Variants in SIM1 observed in about 807,000 individuals in gnomAD.
SIM1 encodes single-minded homolog 1.
A neutral mutation model predicts 78.2 loss-of-function variants in SIM1; 18 were observed. The ratio of observed to expected loss-of-function variants is 0.23; its 90% CI spans 0.16 to 0.34. The LOEUF (loss-of-function observed/expected upper bound fraction) is 0.34. Among genes scored for constraint, SIM1 ranks in the 10% least tolerant of loss-of-function variants. The probability of loss-of-function intolerance (pLI) is 1.00; values close to 1 mark genes in which losing one functional copy is unlikely to be tolerated. For synonymous variants in SIM1, 417 were observed against 385.2 expected, an observed-to-expected ratio of 1.08 and a Z score of -0.97; for missense variants, 939 against 975.1, an observed-to-expected ratio of 0.96 and a Z score of 0.49.
chr6:100,426,172 C>A (rs1408179078), intron 9 of SIM1, among the ~76,000 whole-genome samples: 1 of 152,178 alleles, frequency 6.6e-6, no homozygotes, highest in African/African-American at 2.4e-5. Context: ...CTTCAGGTGC[C>A]TCAGCTCTGA....
At chr6:100,445,619 C>A (rs1040035031) in intron 9 of SIM1, among the ~76,000 whole-genome samples, 4 of 151,822 alleles carry the variant, frequency 2.6e-5, no homozygotes, top group Non-Finnish European at 4.4e-5. Context: ...TTAAGTTTAC[C>A]CATTGGGAGG....
intron 10 of SIM1, among the ~76,000 whole-genome samples, chr6:100,400,538 C>T (rs1562234501): frequency 6.6e-6 from 1 of 152,008 alleles, no homozygotes; most frequent in South Asian, 2.1e-4. Flanking sequence ...ATACAGAATT[C>T]TGGAGGTAAA....
At chr6:100,404,176 AT>A (rs1210932711) in intron 10 of SIM1, among the ~76,000 whole-genome samples, 5 of 152,160 alleles carry the variant, frequency 3.3e-5, no homozygotes, top group African/African-American at 1.2e-4. Flanking sequence ...ACCCATAGAT[AT>A]TCTTCTTTTG....
At chr6:100,455,166 G>T (rs1772614020) in intron 2 of SIM1, among the ~76,000 whole-genome samples, 1 of 152,208 alleles carries the variant, frequency 6.6e-6, no homozygotes, top group Non-Finnish European at 1.5e-5. Context: ...TTGGTAAGGA[G>T]GAACCGTGAG....
intron 9 of SIM1, among the ~76,000 whole-genome samples, chr6:100,429,304 G>A (rs1322443654): frequency 6.6e-6 from 1 of 150,882 alleles, no homozygotes; most frequent in Admixed American, 6.6e-5. Context: ...CAGAGGCAGA[G>A]ATTGCAGTGA....
intron 2 of SIM1, among the ~76,000 whole-genome samples, chr6:100,455,401 A>G (rs1446319524): frequency 6.6e-6 from 1 of 152,090 alleles, no homozygotes; most frequent in Non-Finnish European, 1.5e-5. Context: ...ACCGTTCTGG[A>G]AGGGCCCCCG....
At position 100,436,884 on chromosome 6, in the gene SIM1, C is replaced by T. The variant is rs1053405179; in HGVS notation, c.998+10384G>A. Among the ~76,000 whole-genome samples the T allele has an allele frequency of 1.1e-4, 16 of 151,612 alleles. 1 individual carries two copies. Among genetic ancestry groups the T allele is most frequent in the African/African-American group, 3.9e-4 (16 of 41,260 alleles). ...CTCCCAAGTAGCTAGGACTACAGCCCGCACCACCACACCCGGTTAATTTTT... is the reference window on the plus strand; with the variant it reads ...CTCCCAAGTAGCTAGGACTACAGCCTGCACCACCACACCCGGTTAATTTTT... On this transcript the variant is annotated intron_variant, in intron 9 of 11. Transcript: ENST00000369208.
At chr6:100,408,363 T>C (rs184469584) in intron 10 of SIM1, among the ~76,000 whole-genome samples, 38 of 152,224 alleles carry the variant, frequency 2.5e-4, no homozygotes, top group African/African-American at 8.7e-4. Flanking sequence ...TGTATAATAA[T>C]ATTGTTTGAA....
At position 100,391,287 on chromosome 6, in the gene SIM1, T is replaced by C. The variant is rs3798516; in HGVS notation, c.1571-196A>G. On this transcript the variant is annotated intron_variant, in intron 11 of 11. Coordinates refer to ENST00000369208, the MANE Select transcript of SIM1 (RefSeq NM_005068.3). ...GTGTCAACTCTCTGTACTGGATTCA[T>C]ATAAAATCAGTGAATTTTAAATGCA... is the stretch of plus-strand genomic sequence containing the variant. 0.21 allele frequency among the ~76,000 whole-genome samples: 31,529 copies of C among 152,216 alleles called. 4,303 individuals are homozygous for C. The highest frequency in any genetic ancestry group is 0.59 in the East Asian group (3,072 of 5,164).
In SIM1 at chr6:100,388,053, C is replaced by T. The variant is rs989388440; in HGVS notation, c.*2308G>A. 6.6e-6 allele frequency: 1 copy of T among 152,098 alleles called. No homozygotes were observed. The highest frequency in any genetic ancestry group is 1.5e-5 in the Non-Finnish European group (1 of 67,998). The allele number at this position is 152,098 out of a possible 1,614,324, so 9.4% of individuals were successfully genotyped here. On this transcript the variant is annotated 3_prime_UTR_variant, in exon 12 of 12. Coordinates refer to ENST00000369208, the MANE Select transcript of SIM1 (RefSeq NM_005068.3). ...TACAAAACCTTTAGCATTCTTAAGA[C>T]ATTACTTCATGTTGCAAATTGATCA...
At position 100,388,617 on chromosome 6, in the gene SIM1, G is replaced by T. The variant is rs1273603107; in HGVS notation, c.*1744C>A. The T allele has an allele frequency of 6.6e-6, 1 of 152,096 alleles. No individual in the cohort carries two copies. Among genetic ancestry groups the T allele is most frequent in the African/African-American group, 2.4e-5 (1 of 41,418 alleles). 9.4% of individuals were successfully genotyped at this position (152,096 alleles called of 1,614,324 possible). ...GGACTGTGAAATAACTGTGTTAAAT[G>T]ATGAAAATATACTACTAATCCCTGA... On this transcript the variant is annotated 3_prime_UTR_variant, in exon 12 of 12. Transcript: ENST00000369208.
rs1454866489 is a variant in SIM1 at position 100,448,202 on chromosome 6, A to G, written c.794T>C (p.Leu265Pro). The change falls in exon 8 of 12, where the codon CTG becomes CCG. Residue 265 changes from leucine (L) to proline (P), a missense_variant. Transcript: ENST00000369208. ...YEPQDLIEKT[L>P]YHHVHGCDTF... ...GTCGCAGCCGTGCACATGGTGGTACAGAGTCTTCTCAATCAGGTCCTGAGG... is the reference window on the plus strand; with the variant it reads ...GTCGCAGCCGTGCACATGGTGGTACGGAGTCTTCTCAATCAGGTCCTGAGG... The G allele has an allele frequency of 6.2e-7, 1 of 1,614,012 alleles. No homozygotes were observed. Among genetic ancestry groups the G allele is most frequent in the Non-Finnish European group, 8.5e-7 (1 of 1,179,984 alleles).
intron 9 of SIM1, among the ~76,000 whole-genome samples, chr6:100,422,481 G>A (rs1771619180): frequency 6.6e-6 from 1 of 152,148 alleles, no homozygotes; most frequent in Non-Finnish European, 1.5e-5. Flanking sequence ...GGGATTGCAG[G>A]TGTAGGCCAC....
intron 10 of SIM1, among the ~76,000 whole-genome samples, chr6:100,404,421 T>C (rs1214225819): frequency 1.3e-5 from 2 of 152,222 alleles, no homozygotes; most frequent in African/African-American, 4.8e-5. Context: ...CATGAAAAAC[T>C]TTCACTCTAT....
chr6:100,399,813 G>T (rs1181441747), intron 10 of SIM1, among the ~76,000 whole-genome samples: 1 of 151,900 alleles, frequency 6.6e-6, no homozygotes, highest in African/African-American at 2.4e-5. Context: ...TTTTAGAAAA[G>T]AATTTTCTGA....
intron 10 of SIM1, among the ~76,000 whole-genome samples, chr6:100,394,805 GC>G (rs1408279230): frequency 6.6e-6 from 1 of 152,112 alleles, no homozygotes; most frequent in African/African-American, 2.4e-5. Context: ...CTCTCTGAGG[GC>G]CATGCTGGAT....
intron 10 of SIM1, 68 bp from the exon 11 acceptor site, chr6:100,393,957 C>A: frequency 2.1e-6 from 3 of 1,462,730 alleles, no homozygotes; most frequent in Non-Finnish European, 2.7e-6. Flanking sequence ...AACAAACAAA[C>A]AAAAAACAGC....
chr6:100,459,554 T>C (rs1283049667), intron 2 of SIM1, among the ~76,000 whole-genome samples: 1 of 152,242 alleles, frequency 6.6e-6, no homozygotes, highest in African/African-American at 2.4e-5. Flanking sequence ...TTTTTCTTTT[T>C]CAGTTCTCTG....
intron 9 of SIM1, among the ~76,000 whole-genome samples, chr6:100,433,874 C>A (rs1345849416): frequency 6.6e-6 from 1 of 152,118 alleles, no homozygotes; most frequent in Non-Finnish European, 1.5e-5. Flanking sequence ...GGGCCTGGCA[C>A]ACAGTAGGCA....
Sources: allele counts gnomAD v4.1 joint callset (sites outside exome capture counted in the v4.1 genomes callset), GRCh38; gene constraint gnomAD v4.1.1; transcripts MANE v1.5; gene names NCBI Gene and HGNC (gene_info 2026-07-23, HGNC 2026-07-21).